Variants in ABLIM1 observed in about 807,000 individuals in gnomAD.
The protein encoded by ABLIM1 is actin-binding LIM protein 1.
ABLIM1 carries 40 observed loss-of-function variants against 107.0 expected under a neutral mutation model. That is an observed-to-expected ratio of 0.37 (90% CI 0.29 to 0.49). The LOEUF is 0.49. Ranked by LOEUF, ABLIM1 falls within the 20% of genes least tolerant of loss-of-function variation. The pLI is 0.97. For synonymous variants in ABLIM1, 357 were observed against 357.3 expected (o/e 1.00, Z 0.01); for missense variants, 857 against 1,008.5 (o/e 0.85, Z 2.04).
chr10:114,644,333 G>A (rs139406859), intron 1 of ABLIM1, among the ~76,000 whole-genome samples: 44 of 93,216 alleles, frequency 4.7e-4, no homozygotes, highest in African/African-American at 1.6e-3. Context: ...ATATATATGT[G>A]TATATATTGT....
At chr10:114,526,990 AG>A in intron 6 of ABLIM1, 2 of 984,536 alleles carry the variant, frequency 2.0e-6, no homozygotes, top group Non-Finnish European at 2.4e-6. Flanking sequence ...CCAAAAAAGG[AG>A]GGGGAGTAGA....
chr10:114,506,186 C>T (rs2135800310), intron 6 of ABLIM1, among the ~76,000 whole-genome samples: 1 of 152,310 alleles, frequency 6.6e-6, no homozygotes, highest in Non-Finnish European at 1.5e-5. Flanking sequence ...TTGCGAAGGA[C>T]ATGATTTTGT....
At chr10:114,704,294 CTCTCTCTCTATA>C (rs1460862736) in intron 1 of ABLIM1, among the ~76,000 whole-genome samples, 15 of 28,484 alleles carry the variant, frequency 5.3e-4, no homozygotes, top group African/African-American at 1.7e-3. Context: ...CTCTCTCTCT[CTCTCTCTCTATA>C]TATATATATA....
At chr10:114,690,522 C>A (rs2081053152) in intron 1 of ABLIM1, 1 of 1,424,992 alleles carries the variant, frequency 7.0e-7, no homozygotes, top group African/African-American at 1.4e-5. Context: ...CTCTCCCATG[C>A]CCAGAACACG....
intron 3 of ABLIM1, among the ~76,000 whole-genome samples, chr10:114,571,675 G>C (rs2071704809): frequency 6.6e-6 from 1 of 152,174 alleles, no homozygotes; most frequent in South Asian, 2.1e-4. Context: ...TTAGTGAAGG[G>C]ATATTCCAGC....
chr10:114,704,961 T>A (rs956697513), intron 1 of ABLIM1, among the ~76,000 whole-genome samples: 3 of 152,126 alleles, frequency 2.0e-5, no homozygotes, highest in African/African-American at 7.2e-5. Flanking sequence ...AAGGATTCGG[T>A]AGTCATGCCC....
At chr10:114,743,144 A>G (rs1472699681) in intron 1 of ABLIM1, among the ~76,000 whole-genome samples, 9 of 152,212 alleles carry the variant, frequency 5.9e-5, no homozygotes, top group Admixed American at 5.9e-4. Flanking sequence ...ATACGGTTAA[A>G]GCAAATTGCA....
chr10:114,440,779 T>C (rs941349342), intron 19 of ABLIM1: 4 of 619,880 alleles, frequency 6.5e-6, no homozygotes, highest in Non-Finnish European at 1.2e-5. Context: ...TCTGATAGAG[T>C]GCTCAGCACA....
intron 12 of ABLIM1, among the ~76,000 whole-genome samples, chr10:114,462,509 T>C (rs1404986036): frequency 6.6e-6 from 1 of 152,088 alleles, no homozygotes; most frequent in East Asian, 1.9e-4. Context: ...ATGTGGGAGT[T>C]AGGACAAATC....
intron 6 of ABLIM1, among the ~76,000 whole-genome samples, chr10:114,524,287 C>G (rs555157299): frequency 1.3e-5 from 2 of 152,190 alleles, no homozygotes; most frequent in East Asian, 1.9e-4. Context: ...AATCTGTAAA[C>G]CTTTGAGAGC....
rs569672976 is a variant in ABLIM1, at chr10:114,508,572, C to T, written c.895-16694G>A. Among the ~76,000 whole-genome samples, 21 of 152,208 alleles carry T rather than the reference C, an allele frequency of 1.4e-4. No individual in the cohort carries two copies. The South Asian group carries it at 3.5e-3, about 26-fold the overall frequency. On this transcript the variant is annotated intron_variant, in intron 6 of 22. Coordinates refer to ENST00000533213, the MANE Select transcript of ABLIM1 (RefSeq NM_002313.7). ...TCAAAATATTAGCCATGTGTGGTTG[C>T]GCACTTGCAGTCCTGGCTACTCAGG...
At chr10:114,572,713 C>G (rs1400272362) in intron 3 of ABLIM1, among the ~76,000 whole-genome samples, 2 of 152,176 alleles carry the variant, frequency 1.3e-5, no homozygotes, top group Non-Finnish European at 2.9e-5. Flanking sequence ...ATGCCAGTAG[C>G]CCTACTGCTT....
rs567846876 is a variant in ABLIM1, at chr10:114,507,802, T to A, written c.895-15924A>T. On this transcript the variant is annotated intron_variant, in intron 6 of 22. Transcript: ENST00000533213. ...GTTCCACTGTGTACAGTCACATGGC[T>A]GTTGGGGTGACCCTCCAAGTGTTAG... 9.2e-5 allele frequency among the ~76,000 whole-genome samples: 14 copies of A among 152,342 alleles called. No homozygotes were observed. The Middle Eastern group carries it at 0.01, about 111-fold the overall frequency.
intron 6 of ABLIM1, among the ~76,000 whole-genome samples, chr10:114,521,492 G>A (rs989077490): frequency 6.6e-6 from 1 of 152,184 alleles, no homozygotes; most frequent in African/African-American, 2.4e-5. Flanking sequence ...TAGCAAACAG[G>A]TGACTGTAAC....
chr10:114,610,019 G>T (rs2076700800), intron 1 of ABLIM1, among the ~76,000 whole-genome samples: 3 of 152,222 alleles, frequency 2.0e-5, no homozygotes, highest in Admixed American at 2.0e-4. Flanking sequence ...CACAGGAAAA[G>T]ATTATCTAGC....
chr10:114,744,391 C>T (rs190106094), intron 1 of ABLIM1, among the ~76,000 whole-genome samples: 11 of 152,158 alleles, frequency 7.2e-5, no homozygotes, highest in Admixed American at 4.6e-4. Context: ...CAGACTGATA[C>T]GACCGGAAAA....
At chr10:114,669,023 T>C (rs73362076) in intron 1 of ABLIM1, among the ~76,000 whole-genome samples, 2,445 of 152,354 alleles carry the variant, frequency 0.016, 63 homozygotes, top group African/African-American at 0.056. Context: ...TCAGGAGAAC[T>C]GCTTTCCCAA....
At chr10:114,468,565 C>T (rs541268591) in intron 10 of ABLIM1, among the ~76,000 whole-genome samples, 10 of 152,178 alleles carry the variant, frequency 6.6e-5, no homozygotes, top group East Asian at 2.0e-4. Flanking sequence ...TGAGCCACCG[C>T]GCCTGGCCTC....
intron 1 of ABLIM1, among the ~76,000 whole-genome samples, chr10:114,748,808 C>G (rs999383813): frequency 6.6e-6 from 1 of 151,976 alleles, no homozygotes. Flanking sequence ...AGACATTCAC[C>G]ACCACACCCA....
Sources: gnomAD v4.1 joint callset for allele counts (sites outside exome capture counted in the v4.1 genomes callset) on GRCh38, gnomAD v4.1.1 for gene constraint, MANE v1.5 for transcripts, NCBI Gene and HGNC (gene_info 2026-07-23, HGNC 2026-07-21) for gene names.